SHANK2: variants seen among roughly 807,000 people sequenced by gnomAD.
SHANK2 encodes the protein SH3 and multiple ankyrin repeat domains 2, also known as SH3 and multiple ankyrin repeat domains protein 2.
A neutral mutation model predicts 133.7 loss-of-function variants in SHANK2; 43 were observed. The ratio of observed to expected loss-of-function variants is 0.32; its 90% CI spans 0.25 to 0.41. The LOEUF (loss-of-function observed/expected upper bound fraction) is 0.41. Among genes scored for constraint, SHANK2 ranks in the 10% least tolerant of loss-of-function variants. The probability of loss-of-function intolerance (pLI) is 1.00; values close to 1 mark genes in which losing one functional copy is unlikely to be tolerated. For synonymous variants in SHANK2, 1,017 were observed against 952.8 expected, an observed-to-expected ratio of 1.07 and a Z score of -1.24; for missense variants, 1,994 against 2,235.8, an observed-to-expected ratio of 0.89 and a Z score of 2.18.
Position 71,118,922 on chromosome 11 carries a change from C to T in SHANK2, c.318G>A (p.Pro106=), listed in dbSNP as rs141716902. 107 of 1,551,748 alleles carry T rather than the reference C, an allele frequency of 6.9e-5. No individual in the cohort carries two copies. Among genetic ancestry groups the T allele is most frequent in the East Asian group, 5.6e-4 (23 of 40,924 alleles). ...KDVLNYGLFQ[P]ASNGRDGKFL... is the part of the protein sequence containing the mutation. ...ACTTGCCGTCACGCCCATTGCTGGC[C>T]GGCTGGAACAGGCCGTAGTTCAGGA... Residue 106 remains proline, a synonymous_variant, in exon 4 of 26, where the codon CCG becomes CCA. Transcript: ENST00000601538.
At chr11:71,168,229 C>T (rs1384655540) in intron 2 of SHANK2, among the ~76,000 whole-genome samples, 2 of 134,418 alleles carry the variant, frequency 1.5e-5, no homozygotes, top group Non-Finnish European at 3.2e-5. Flanking sequence ...AGACGATGGG[C>T]GGCTGGGCAG....
At chr11:70,881,574 T>TTAATAATAA (rs71049950) in intron 11 of SHANK2, among the ~76,000 whole-genome samples, 59 of 39,364 alleles carry the variant, frequency 1.5e-3, no homozygotes, top group African/African-American at 2.4e-3. Context: ...AATAATAATA[T>TTAATAATAA]TAATAATAAT....
rs371872983 is a variant in SHANK2, at chr11:70,738,674, C to T, written c.1778-39911G>A. 1.7e-3 allele frequency among the ~76,000 whole-genome samples: 259 copies of T among 152,294 alleles called. 11 individuals are homozygous for T. In the South Asian group the frequency reaches 0.051, roughly 30 times the overall value. ...CGTCCTGTCTTTCTGCAGTGGCCAC[C>T]GTACTCATTCTTATAACCCCCATCA... On this transcript the variant is annotated intron_variant, in intron 14 of 25. Coordinates refer to ENST00000601538, the MANE Select transcript of SHANK2 (RefSeq NM_012309.5).
intron 17 of SHANK2, chr11:70,634,557 C>A (rs1315569741): frequency 6.6e-6 from 1 of 152,114 alleles, no homozygotes; most frequent in Non-Finnish European, 1.5e-5. Context: ...AAACAAAAAT[C>A]TAATTTAAAA....
At chr11:71,106,569 T>C (rs953513792) in intron 6 of SHANK2, among the ~76,000 whole-genome samples, 3 of 152,238 alleles carry the variant, frequency 2.0e-5, no homozygotes, top group Non-Finnish European at 2.9e-5. Context: ...CTGGGAAACA[T>C]GGTCAGGTCT....
chr11:70,938,420 C>T (rs1950599732), intron 10 of SHANK2, among the ~76,000 whole-genome samples: 1 of 152,206 alleles, frequency 6.6e-6, no homozygotes, highest in African/African-American at 2.4e-5. Flanking sequence ...CAAGGAAAGG[C>T]ATGTTCCTGA....
chr11:70,681,889 A>G (rs1290268746), intron 15 of SHANK2, among the ~76,000 whole-genome samples: 1 of 152,104 alleles, frequency 6.6e-6, no homozygotes, highest in Non-Finnish European at 1.5e-5. Context: ...GCTTCAGGTC[A>G]AAGATGTGGA....
chr11:70,747,910 C>G (rs1370325676), intron 14 of SHANK2, among the ~76,000 whole-genome samples: 3 of 152,046 alleles, frequency 2.0e-5, no homozygotes, highest in African/African-American at 7.3e-5. Context: ...CATGAGCATA[C>G]GTGTATGTGC....
intron 17 of SHANK2, among the ~76,000 whole-genome samples, chr11:70,521,035 C>G (rs2059323840): frequency 6.6e-6 from 1 of 152,224 alleles, no homozygotes; most frequent in Admixed American, 6.5e-5. Flanking sequence ...GAGCCCATCA[C>G]ATGTGACTTT....
intron 14 of SHANK2, among the ~76,000 whole-genome samples, chr11:70,771,693 G>C (rs1555042817): frequency 6.6e-6 from 1 of 152,072 alleles, no homozygotes; most frequent in East Asian, 1.9e-4. Context: ...ACCGGGAGGG[G>C]TGACTCTAAG....
At chr11:70,821,571 G>A (rs1238384161) in intron 11 of SHANK2, among the ~76,000 whole-genome samples, 1 of 152,036 alleles carries the variant, frequency 6.6e-6, no homozygotes, top group Non-Finnish European at 1.5e-5. Flanking sequence ...GATTACAGGT[G>A]CCCGCCACCA....
intron 7 of SHANK2, 66 bp downstream of exon 7, chr11:71,094,471 G>T (rs879961124): frequency 7.4e-6 from 11 of 1,478,546 alleles, no homozygotes; most frequent in Non-Finnish European, 1.0e-5. Flanking sequence ...CTGCGGGGAT[G>T]GGATGGGGCA....
At chr11:70,911,521 GT>G (rs1428564891) in intron 10 of SHANK2, among the ~76,000 whole-genome samples, 1 of 152,126 alleles carries the variant, frequency 6.6e-6, no homozygotes, top group Non-Finnish European at 1.5e-5. Context: ...GAAGTAGGTG[GT>G]TTTAAACTTT....
At chr11:70,573,907 A>T (rs973332041) in intron 17 of SHANK2, among the ~76,000 whole-genome samples, 3 of 152,228 alleles carry the variant, frequency 2.0e-5, no homozygotes, top group Admixed American at 2.0e-4. Flanking sequence ...GCCTGGGCTG[A>T]TGATGTGGTC....
In SHANK2 at chr11:70,473,085, A is replaced by G; in HGVS notation, c.5334T>C (p.Phe1778=). Residue 1778 remains phenylalanine (F), a synonymous_variant, in exon 26 of 26, where the codon TTT becomes TTC. Transcript: ENST00000601538. This position sits in a 1 kb window ranked among gnomAD's most constrained non-coding sequence, Gnocchi z 5.9. ...TCCACAGGTGGACAGGTTTAGTTGT[A>G]AAAGGCTTATTTGAGATTGGCTGTT... ...ILQQPISNKP[F]TTKPVHLWTK... is the part of the protein sequence containing the mutation. 3 of 1,614,244 alleles carry G rather than the reference A, an allele frequency of 1.9e-6. 1 individual carries two copies. In the South Asian group the frequency reaches 3.3e-5, roughly 18 times the overall value.
At chr11:70,632,568 A>G (rs1555002627) in intron 17 of SHANK2, among the ~76,000 whole-genome samples, 1 of 151,970 alleles carries the variant, frequency 6.6e-6, no homozygotes, top group African/African-American at 2.4e-5. Flanking sequence ...GTTTTATAGA[A>G]CCGCCTTTTA....
At chr11:70,589,229 C>T (rs1427274043) in intron 17 of SHANK2, among the ~76,000 whole-genome samples, 1 of 152,180 alleles carries the variant, frequency 6.6e-6, no homozygotes, top group Non-Finnish European at 1.5e-5. Flanking sequence ...TTGTGAGGGG[C>T]TAGTACAGCT....
intron 17 of SHANK2, among the ~76,000 whole-genome samples, chr11:70,618,125 G>A (rs2060778492): frequency 6.6e-6 from 1 of 151,850 alleles, no homozygotes; most frequent in African/African-American, 2.4e-5. Flanking sequence ...GTGAAACCCC[G>A]TCTCTACTAA....
rs55759811 is a variant in SHANK2, at chr11:71,119,578, C to CAAAAAAA, written c.208-553_208-547dup. On this transcript the variant is annotated intron_variant, in intron 3 of 25. Transcript: ENST00000601538. ...CTGGCGACAAGGCGAGACTCCATCTCAAAAAAAAAAAAAAAAATTCTCTAG... is the reference window on the plus strand; with the variant it reads ...CTGGCGACAAGGCGAGACTCCATCTCAAAAAAAAAAAAAAAAAAAAAAAATTCTCTAG... Among the ~76,000 whole-genome samples the CAAAAAAA allele has an allele frequency of 5.8e-3, 778 of 134,344 alleles. 11 individuals carry two copies. The highest frequency in any genetic ancestry group is 0.022 in the East Asian group (102 of 4,552). The allele number at this position is 134,344 out of a possible 152,430, so 88.1% of individuals were successfully genotyped here. A position where few individuals can be genotyped will look rare whatever the true frequency, so the allele number is the denominator to read the frequency against.
Sources: gnomAD v4.1 joint callset for allele counts (sites outside exome capture counted in the v4.1 genomes callset) on GRCh38, gnomAD v4.1.1 for gene constraint, Gnocchi (gnomAD v3.1) non-coding constraint, MANE v1.5 for transcripts, NCBI Gene and HGNC (gene_info 2026-07-23, HGNC 2026-07-21) for gene names.